Variants in PRKCE observed in about 807,000 individuals in gnomAD.
PRKCE encodes protein kinase C epsilon type.
In PRKCE, 16 loss-of-function variants were observed where a neutral mutation model predicts 85.4. That is an observed-to-expected ratio of 0.19 (90% CI 0.13 to 0.28). The LOEUF (loss-of-function observed/expected upper bound fraction) is 0.28, where lower values mean the gene tolerates loss of function less well. Among genes scored for constraint, PRKCE ranks in the 10% least tolerant of loss-of-function variants. The pLI is 1.00. For missense variants in PRKCE, 573 were observed against 975.2 expected (o/e 0.59, Z 5.49); for synonymous variants, 388 against 371.5 (o/e 1.04, Z -0.51).
chr2:45,750,757 AGT>A (rs933822911), intron 1 of PRKCE, among the ~76,000 whole-genome samples: 1 of 152,210 alleles, frequency 6.6e-6, no homozygotes, highest in Admixed American at 6.5e-5. Context: ...TATATAGAAC[AGT>A]GTCTGAATGT....
chr2:45,902,115 T>C (rs1347810146), intron 2 of PRKCE, among the ~76,000 whole-genome samples: 1 of 152,122 alleles, frequency 6.6e-6, no homozygotes, highest in East Asian at 1.9e-4. Context: ...TCTTTCCCAC[T>C]CCCACTTGGG....
chr2:46,026,074 G>A (rs1168295320), intron 10 of PRKCE, among the ~76,000 whole-genome samples: 1 of 152,182 alleles, frequency 6.6e-6, no homozygotes, highest in Admixed American at 6.5e-5. Context: ...ATTCTGTTTA[G>A]CTCTTTGAGC....
At chr2:45,789,640 G>T (rs1686881788) in intron 1 of PRKCE, among the ~76,000 whole-genome samples, 1 of 152,094 alleles carries the variant, frequency 6.6e-6, no homozygotes, top group Admixed American at 6.5e-5. Flanking sequence ...CTGGTTGGGG[G>T]AAAGGGGGGA....
At chr2:45,886,707 C>A (rs936907079) in intron 2 of PRKCE, among the ~76,000 whole-genome samples, 2 of 152,166 alleles carry the variant, frequency 1.3e-5, no homozygotes, top group Admixed American at 1.3e-4. Flanking sequence ...GGAAGCATTG[C>A]ACTTCGAGTG....
chr2:46,001,326 A>C lies in PRKCE; in HGVS notation c.824-78A>C. 1 of 1,397,450 alleles carries C rather than the reference A, an allele frequency of 7.2e-7. No individual in the cohort carries two copies. Among genetic ancestry groups the C allele is most frequent in the South Asian group, 1.4e-5 (1 of 71,268 alleles). The allele number at this position is 1,397,450 out of a possible 1,614,324, so 86.6% of individuals were successfully genotyped here. ...TGAACATGTAATACTTCATGAACATATAATACAATCTCAAAGAAAAGAAGC... is the reference window on the plus strand; with the variant it reads ...TGAACATGTAATACTTCATGAACATCTAATACAATCTCAAAGAAAAGAAGC... On this transcript the variant is annotated intron_variant, in intron 6 of 14. Transcript: ENST00000306156. The surrounding 1 kb of genome is among the most constrained non-coding windows in gnomAD (Gnocchi z 4.4).
At chr2:45,682,715 T>C (rs576381073) in intron 1 of PRKCE, among the ~76,000 whole-genome samples, 1 of 152,294 alleles carries the variant, frequency 6.6e-6, no homozygotes, top group Non-Finnish European at 1.5e-5. Flanking sequence ...GCCTCACAAG[T>C]AGCTGGGATT....
At chr2:45,772,598 A>C (rs549407286) in intron 1 of PRKCE, among the ~76,000 whole-genome samples, 7 of 152,244 alleles carry the variant, frequency 4.6e-5, no homozygotes, top group Non-Finnish European at 7.4e-5. Flanking sequence ...CTGAGGAGAG[A>C]TAGGCTCTTC....
chr2:45,678,921 C>A (rs903642336), intron 1 of PRKCE, among the ~76,000 whole-genome samples: 2 of 152,120 alleles, frequency 1.3e-5, no homozygotes, highest in African/African-American at 4.8e-5. Flanking sequence ...GAGGCCTAGA[C>A]GAGTGGAAGG....
intron 2 of PRKCE, among the ~76,000 whole-genome samples, chr2:45,920,064 C>A (rs1195931836): frequency 6.6e-6 from 1 of 152,202 alleles, no homozygotes; most frequent in Non-Finnish European, 1.5e-5. Flanking sequence ...GTGGCCCCAG[C>A]CGGTTCAGAC....
intron 1 of PRKCE, among the ~76,000 whole-genome samples, chr2:45,702,666 A>G (rs1433900056): frequency 6.6e-6 from 1 of 152,208 alleles, no homozygotes; most frequent in Non-Finnish European, 1.5e-5. Flanking sequence ...CTAAATCACT[A>G]TTATATAGTA....
chr2:45,983,072 G>A (rs1703019513), intron 5 of PRKCE, among the ~76,000 whole-genome samples: 1 of 152,236 alleles, frequency 6.6e-6, no homozygotes, highest in Admixed American at 6.5e-5. Flanking sequence ...AGGCATCTAA[G>A]AATGGGTGAG....
chr2:45,659,376 A>T (rs1675529430), intron 1 of PRKCE, among the ~76,000 whole-genome samples: 1 of 152,198 alleles, frequency 6.6e-6, no homozygotes, highest in Admixed American at 6.5e-5. Flanking sequence ...ATCTCAGATC[A>T]CATCCTTTCC....
chr2:45,944,560 C>G (rs1438504592), intron 2 of PRKCE, among the ~76,000 whole-genome samples: 18 of 151,964 alleles, frequency 1.2e-4, no homozygotes, highest in Non-Finnish European at 2.9e-5. Flanking sequence ...GTGATCTCAG[C>G]TCACTGCAAC....
intron 1 of PRKCE, among the ~76,000 whole-genome samples, chr2:45,812,302 C>T (rs1024256136): frequency 6.6e-6 from 1 of 152,206 alleles, no homozygotes; most frequent in Non-Finnish European, 1.5e-5. Flanking sequence ...TGAGAAGCCA[C>T]AGATCTTGTA....
intron 10 of PRKCE, among the ~76,000 whole-genome samples, chr2:46,021,122 G>T (rs7578185): frequency 3.2e-4 from 48 of 152,272 alleles, no homozygotes; most frequent in African/African-American, 1.1e-3. Flanking sequence ...CAGTGAGTTT[G>T]GGGGCAGGAG....
At chr2:45,967,937 G>A (rs1051997321) in intron 2 of PRKCE, among the ~76,000 whole-genome samples, 2 of 152,184 alleles carry the variant, frequency 1.3e-5, no homozygotes, top group Non-Finnish European at 2.9e-5. Flanking sequence ...TCAAAAGAGA[G>A]AGCTCAGAGA....
intron 11 of PRKCE, among the ~76,000 whole-genome samples, chr2:46,117,048 T>C (rs991434901): frequency 2.6e-5 from 4 of 152,230 alleles, no homozygotes; most frequent in Non-Finnish European, 5.9e-5. Context: ...TCAAATCTGA[T>C]GTTTCAAGGA....
chr2:45,840,606 C>A (rs1024408805), intron 1 of PRKCE: 1 of 152,216 alleles, frequency 6.6e-6, no homozygotes, highest in African/African-American at 2.4e-5. Flanking sequence ...TCGTGGCACT[C>A]CCTCACTCCT....
At chr2:45,942,686 G>A (rs553567753) in intron 2 of PRKCE, among the ~76,000 whole-genome samples, 3 of 152,210 alleles carry the variant, frequency 2.0e-5, no homozygotes, top group Non-Finnish European at 2.9e-5. Flanking sequence ...GTGTAAGCAC[G>A]CTTTGTTTTA....
Sources: allele counts gnomAD v4.1 joint callset (sites outside exome capture counted in the v4.1 genomes callset), GRCh38; gene constraint gnomAD v4.1.1; non-coding constraint Gnocchi (gnomAD v3.1); transcripts MANE v1.5; gene names NCBI Gene and HGNC (gene_info 2026-07-23, HGNC 2026-07-21).